Variants in FREM1 observed in about 807,000 individuals in gnomAD.
The protein encoded by FREM1 is FRAS1-related extracellular matrix protein 1.
In FREM1, 220 loss-of-function variants were observed where a neutral mutation model predicts 210.1. That is an observed-to-expected ratio of 1.05 (90% CI 0.94 to 1.17). The LOEUF is 1.17. Among genes scored for constraint, FREM1 ranks in the 50% most tolerant of loss-of-function variants. The pLI is 0.00. For missense variants in FREM1, 3,454 were observed against 2,675.5 expected (o/e 1.29, Z -6.42); for synonymous variants, 1,189 against 980.2 (o/e 1.21, Z -3.98).
At chr9:14,826,386 A>C (rs548937500) in intron 10 of FREM1, among the ~76,000 whole-genome samples, 1 of 152,154 alleles carries the variant, frequency 6.6e-6, no homozygotes, top group South Asian at 2.1e-4. Flanking sequence ...GCCACCACCC[A>C]GCCACCTTTC....
intron 6 of FREM1, among the ~76,000 whole-genome samples, chr9:14,851,050 G>A (rs1827641482): frequency 6.6e-6 from 1 of 152,212 alleles, no homozygotes; most frequent in Admixed American, 6.5e-5. Context: ...AGTGGCAGCT[G>A]CTTCCTGAGG....
Position 14,776,160 on chromosome 9 carries a change from C to G in FREM1, c.4486G>C (p.Glu1496Gln), listed in dbSNP as rs1423398335. ...CTGTCCACAGTCTCCAGTGTGATCT[C>G]AAACACCCCGTGCTCGGTCCGCAGT... The part of the protein sequence containing the change: ...NGLRTEHGVF[E>Q]ITLETVDRAL... The change falls in exon 25 of 37, where the codon GAG (glutamate) becomes CAG (glutamine). Residue 1496 changes from glutamate to glutamine, a missense_variant. Transcript: ENST00000380880. 6 of 1,550,850 alleles carry G rather than the reference C, an allele frequency of 3.9e-6. No individual in the cohort carries two copies. The highest frequency in any genetic ancestry group is 1.9e-5 in the Admixed American group (1 of 51,996).
intron 17 of FREM1, among the ~76,000 whole-genome samples, chr9:14,807,292 T>C (rs1818547016): frequency 6.6e-6 from 1 of 152,210 alleles, no homozygotes; most frequent in Non-Finnish European, 1.5e-5. Context: ...GTTAATTGCC[T>C]GAGAGCTATT....
At chr9:14,897,773 T>C (rs1017943329) in intron 1 of FREM1, among the ~76,000 whole-genome samples, 10 of 152,106 alleles carry the variant, frequency 6.6e-5, no homozygotes, top group African/African-American at 2.4e-5. Context: ...AAAAATTTTT[T>C]TGTAGAAACA....
At chr9:14,827,067 C>T (rs924798760) in intron 10 of FREM1, among the ~76,000 whole-genome samples, 1 of 152,112 alleles carries the variant, frequency 6.6e-6, no homozygotes, top group Admixed American at 6.5e-5. Context: ...GTAATGGGTA[C>T]GTACAGACTG....
chr9:14,759,846 C>A lies in FREM1; in HGVS notation c.5260G>T (p.Glu1754Ter). 1 of 1,612,674 alleles carries A rather than the reference C, an allele frequency of 6.2e-7. No individual in the cohort carries two copies. Among genetic ancestry groups the A allele is most frequent in the Non-Finnish European group, 8.5e-7 (1 of 1,179,026 alleles). Residue 1754 changes from glutamate to a stop codon, truncating the protein, a stop_gained, in exon 28 of 37, where the codon GAG becomes TAG. Transcript: ENST00000380880. LOFTEE classifies it high-confidence loss of function. ...EWSQTEYEVC[E>*]NVGLLPLEII... The stretch of plus-strand genomic sequence containing the variant: ...TCCAAGGGCAACAAACCCACATTCT[C>A]ACAGACTTCATATTCGGTCTGTGAC...
intron 10 of FREM1, among the ~76,000 whole-genome samples, chr9:14,826,555 C>A (rs940758107): frequency 6.6e-6 from 1 of 152,198 alleles, no homozygotes; most frequent in African/African-American, 2.4e-5. Context: ...TTAGACCTTT[C>A]TCCAATTTTT....
At chr9:14,896,665 C>G (rs1237923294) in intron 1 of FREM1, among the ~76,000 whole-genome samples, 6 of 152,068 alleles carry the variant, frequency 3.9e-5, no homozygotes, top group Admixed American at 3.3e-4. Flanking sequence ...TATGGAGCAG[C>G]CATTCTTTTA....
chr9:14,873,310 TG>T (rs1282294540), intron 1 of FREM1, among the ~76,000 whole-genome samples: 1 of 152,186 alleles, frequency 6.6e-6, no homozygotes, highest in African/African-American at 2.4e-5. Flanking sequence ...GGACTCTTTT[TG>T]GTTGGTAAGC....
At chr9:14,747,171 C>T (rs1463237926) in intron 33 of FREM1, 93 bp downstream of exon 33, 1 of 1,576,264 alleles carries the variant, frequency 6.3e-7, no homozygotes, top group Non-Finnish European at 8.7e-7. Flanking sequence ...ACTATCCCCC[C>T]AACCTTGGAG....
At position 14,842,679 on chromosome 9, in the gene FREM1, A is replaced by G. The variant is rs767814689; in HGVS notation, c.1394-19T>C. ...TTCCCCCCTGAGGGAGAGAGCAGAG[A>G]TGGAGCAGATTGAGCAAGGGAGTGC... On this transcript the variant is annotated intron_variant, in intron 8 of 36. Transcript: ENST00000380880. 1 of 1,581,314 alleles carries G rather than the reference A, an allele frequency of 6.3e-7. No individual in the cohort carries two copies. The highest frequency in any genetic ancestry group is 1.1e-5 in the South Asian group (1 of 89,760).
rs182946445 is a variant in FREM1 at position 14,823,285 on chromosome 9, G to C, written c.2212C>G (p.Gln738Glu). Residue 738 changes from glutamine to glutamate, a missense_variant, in exon 13 of 37, where the codon CAA (glutamine) becomes GAA (glutamate). By Grantham distance (29) the Gln-to-Glu change is conservative (BLOSUM62 2). Coordinates refer to ENST00000380880, the MANE Select transcript of FREM1 (RefSeq NM_001379081.2). ...YMKVAYMPPMQDIGPHCRDVQ... is the reference protein window; with the variant it reads ...YMKVAYMPPMEDIGPHCRDVQ... ...TCTCTGCAATGGGGACCAATGTCTT[G>C]CATGGGGGGCATGTAGGCCACTTTC... The C allele has an allele frequency of 2.4e-4, 393 of 1,613,948 alleles. No homozygotes were observed. The African/African-American group carries it at 4.8e-3, about 20-fold the overall frequency.
intron 1 of FREM1, among the ~76,000 whole-genome samples, chr9:14,876,948 A>G (rs2132048196): frequency 6.6e-6 from 1 of 152,320 alleles, no homozygotes; most frequent in Admixed American, 6.5e-5. Context: ...GATGTCTCCC[A>G]AAACTGGGAG....
At chr9:14,746,192 A>T (rs912840190) in intron 35 of FREM1, among the ~76,000 whole-genome samples, 161 bp downstream of exon 35, 2 of 152,202 alleles carry the variant, frequency 1.3e-5, no homozygotes, top group African/African-American at 2.4e-5. Flanking sequence ...TCACAAATCC[A>T]TTCTGAACTA....
intron 24 of FREM1, among the ~76,000 whole-genome samples, chr9:14,780,186 C>T (rs571433086): frequency 6.6e-6 from 1 of 152,178 alleles, no homozygotes; most frequent in African/African-American, 2.4e-5. Flanking sequence ...TTCTGTGGAT[C>T]CATTTTGTTT....
intron 35 of FREM1, among the ~76,000 whole-genome samples, chr9:14,743,229 G>A (rs1184405140): frequency 1.3e-5 from 2 of 151,928 alleles, no homozygotes; most frequent in African/African-American, 4.8e-5. Flanking sequence ...ATTAATTTAG[G>A]CCTTAAGTTT....
rs191358669 is a variant in FREM1, at chr9:14,811,540, G to C, written c.2893+1272C>G. Among the ~76,000 whole-genome samples, 3 of 151,992 alleles carry C rather than the reference G, an allele frequency of 2.0e-5. No homozygotes were observed. In the South Asian group the frequency reaches 6.2e-4, roughly 32 times the overall value. On this transcript the variant is annotated intron_variant, in intron 16 of 36. Coordinates refer to ENST00000380880, the MANE Select transcript of FREM1 (RefSeq NM_001379081.2). ...GAGGGACATCAAACATACGAACTAC[G>C]CTCCTCAGGACAAGGTAATCACCCA...
intron 1 of FREM1, among the ~76,000 whole-genome samples, chr9:14,875,740 G>A (rs1259723755): frequency 2.6e-5 from 4 of 152,320 alleles, no homozygotes; most frequent in African/African-American, 9.6e-5. Flanking sequence ...CTTTGGAGGA[G>A]GAGAGGCGCT....
At chr9:14,779,916 A>G (rs759515201) in intron 24 of FREM1, among the ~76,000 whole-genome samples, 3 of 152,200 alleles carry the variant, frequency 2.0e-5, no homozygotes, top group Non-Finnish European at 4.4e-5. Flanking sequence ...TAACAGTGCA[A>G]ACTACTCACA....
Sources: allele counts gnomAD v4.1 joint callset (sites outside exome capture counted in the v4.1 genomes callset), GRCh38; gene constraint gnomAD v4.1.1; transcripts MANE v1.5; gene names NCBI Gene and HGNC (gene_info 2026-07-23, HGNC 2026-07-21).